The following RBM34 variants were observed in gnomAD, a reference collection of about 807,000 sequenced individuals.
RBM34 encodes RNA binding motif protein 34.
A neutral mutation model predicts 44.6 loss-of-function variants in RBM34; 39 were observed. The ratio of observed to expected loss-of-function variants is 0.87; its 90% CI spans 0.68 to 1.14. The LOEUF (loss-of-function observed/expected upper bound fraction) is 1.14, where lower values mean the gene tolerates loss of function less well. Among genes scored for constraint, RBM34 ranks in the 50% most tolerant of loss-of-function variants. RBM34 has a pLI of 0.00. For missense variants in RBM34, 572 were observed against 517.9 expected, an observed-to-expected ratio of 1.10 and a Z score of -1.01; for synonymous variants, 194 against 184.0, an observed-to-expected ratio of 1.05 and a Z score of -0.44.
Position 235,160,504 on chromosome 1 carries a change from T to C in RBM34, c.365+7A>G. On this transcript the variant is annotated splice_region_variant and intron_variant, in intron 3 of 10. Transcript: ENST00000408888. ...TCTTTAACATCAAATAAGAGAATTT[T>C]ACCAACCTGTCTGCCAACTTTTTTT... 1 of 1,608,586 alleles carries C rather than the reference T, an allele frequency of 6.2e-7. No individual in the cohort carries two copies.
At chr1:235,154,845 T>C (rs1203156737) in intron 4 of RBM34, 36 bp downstream of exon 4, 1 of 1,519,156 alleles carries the variant, frequency 6.6e-7, no homozygotes, top group African/African-American at 1.4e-5. Flanking sequence ...AACAAAGTTA[T>C]TAACTTCTCT....
Position 235,135,696 on chromosome 1 carries a change from T to C in RBM34, c.964A>G (p.Lys322Glu). Residue 322 changes from lysine (K) to glutamate (E), a missense_variant, in exon 10 of 11, where the codon AAA (lysine) becomes GAA (glutamate). Coordinates refer to ENST00000408888, the MANE Select transcript of RBM34 (RefSeq NM_015014.4). ...AACCCTTTGCCGATGCCTGTCATTT[T>C]GTCTCTCACAATCCTCACGGCCATG... The part of the protein sequence containing the change: ...SIMAVRIVRD[K>E]MTGIGKGFGY... The C allele has an allele frequency of 6.2e-7, 1 of 1,614,254 alleles. No homozygotes were observed. Among genetic ancestry groups the C allele is most frequent in the Non-Finnish European group, 8.5e-7 (1 of 1,180,046 alleles).
At chr1:235,156,699 G>A in intron 3 of RBM34, 1 of 440,962 alleles carries the variant, frequency 2.3e-6, no homozygotes, top group South Asian at 1.7e-5. Context: ...ATATTAAGGA[G>A]TGAGGGAAGA....
At chr1:235,134,745 GTT>G (rs775688608) in intron 10 of RBM34, among the ~76,000 whole-genome samples, 3 of 136,798 alleles carry the variant, frequency 2.2e-5, no homozygotes, top group Non-Finnish European at 3.2e-5. Context: ...TCGTTTTCGG[GTT>G]TTTTTTTTTT....
rs774293792 is a variant in RBM34, at chr1:235,161,222, G to T, written c.5C>A (p.Ala2Asp). The change falls in exon 1 of 11, where the codon GCC (alanine) becomes GAC (aspartate). Residue 2 changes from alanine to aspartate, a missense_variant. By Grantham distance (126) the Ala-to-Asp change is moderately radical. Coordinates refer to ENST00000408888, the MANE Select transcript of RBM34 (RefSeq NM_015014.4). ...CTTCCGTTTGCTCATCCCTTCCAAG[G>T]CCATTCTTACTCCAAAGACTCCCAG... The part of the protein sequence containing the change: M[A>D]LEGMSKRKRK... The T allele has an allele frequency of 1.9e-6, 3 of 1,613,070 alleles. No homozygotes were observed. The highest frequency in any genetic ancestry group is 1.1e-5 in the South Asian group (1 of 90,966).
rs766212859 is a variant in RBM34, at chr1:235,135,718, CATG to C, written c.939_941del (p.Ile313del). The C allele has an allele frequency of 6.8e-6, 11 of 1,614,208 alleles. No homozygotes were observed. In the South Asian group the frequency reaches 8.8e-5, roughly 13 times the overall value. Reference sequence around the variant, plus strand: ...TTTTGTCTCTCACAATCCTCACGGCCATGATACTTCCACAGTCCAGAAAGTGCT... The same window carrying C: ...TTTTGTCTCTCACAATCCTCACGGCCATACTTCCACAGTCCAGAAAGTGCT... On this transcript the variant is annotated inframe_deletion, in exon 10 of 11. Coordinates refer to ENST00000408888, the MANE Select transcript of RBM34 (RefSeq NM_015014.4).
chr1:235,148,713 C>A (rs1330814245), intron 5 of RBM34, among the ~76,000 whole-genome samples: 1 of 152,006 alleles, frequency 6.6e-6, no homozygotes, highest in Non-Finnish European at 1.5e-5. Flanking sequence ...ATTCTCCTGC[C>A]TCAGCCTCCT....
At chr1:235,148,344 C>A in intron 6 of RBM34, 60 bp downstream of exon 6, 1 of 1,353,494 alleles carries the variant, frequency 7.4e-7, no homozygotes, top group Non-Finnish European at 1.0e-6. Context: ...AATGGTCTCA[C>A]TTTTTAGCCA....
rs775030226 is a variant in RBM34 at position 235,152,774 on chromosome 1, A to T, written c.598-9T>A. 2.8e-5 allele frequency: 24 copies of T among 847,122 alleles called. No individual in the cohort carries two copies. Among genetic ancestry groups the T allele is most frequent in the Admixed American group, 3.4e-5 (1 of 29,206 alleles). 52.5% of individuals were successfully genotyped at this position (847,122 alleles called of 1,614,324 possible). ...AAAAACGACTTCAGCTTCTAAAATT[A>T]AAAAAAAAAATACACATTAGCTGAC... On this transcript the variant is annotated splice_polypyrimidine_tract_variant and intron_variant, in intron 4 of 10. Transcript: ENST00000408888.
intron 6 of RBM34, among the ~76,000 whole-genome samples, chr1:235,143,933 CTT>C (rs1162556622): frequency 3.9e-5 from 6 of 152,260 alleles, no homozygotes; most frequent in African/African-American, 7.2e-5. Context: ...AATTGCAACA[CTT>C]TGGGAGGCAA....
At chr1:235,149,651 G>T (rs1001005379) in intron 5 of RBM34, among the ~76,000 whole-genome samples, 6 of 152,098 alleles carry the variant, frequency 3.9e-5, no homozygotes, top group African/African-American at 1.2e-4. Flanking sequence ...AGTGGATGGG[G>T]CAGGTAGGGA....
intron 6 of RBM34, among the ~76,000 whole-genome samples, chr1:235,140,359 G>A (rs1661625829): frequency 6.6e-6 from 1 of 152,216 alleles, no homozygotes; most frequent in South Asian, 2.1e-4. Flanking sequence ...GCGTGGGCTT[G>A]GCGGGCCCCG....
At chr1:235,143,354 T>C (rs1384797518) in intron 6 of RBM34, among the ~76,000 whole-genome samples, 1 of 152,228 alleles carries the variant, frequency 6.6e-6, no homozygotes, top group East Asian at 1.9e-4. Flanking sequence ...GACCAGGCAG[T>C]TTCTCAAAAG....
At chr1:235,156,108 T>C (rs1385038397) in intron 3 of RBM34, among the ~76,000 whole-genome samples, 1 of 150,814 alleles carries the variant, frequency 6.6e-6, no homozygotes, top group African/African-American at 2.4e-5. Context: ...GACCTCTTGC[T>C]CCGCCCGCCT....
intron 10 of RBM34, among the ~76,000 whole-genome samples, chr1:235,135,228 AT>A (rs749295070): frequency 0.026 from 2,816 of 106,514 alleles, 239 homozygotes; most frequent in African/African-American, 0.048. Flanking sequence ...AATTTTTTGT[AT>A]TTTTTTTTTT....
Position 235,152,755 on chromosome 1 carries a change from G to A in RBM34, c.608C>T (p.Ser203Leu), listed in dbSNP as rs778495315. 3.2e-6 allele frequency: 5 copies of A among 1,573,828 alleles called. No homozygotes were observed. Among genetic ancestry groups the A allele is most frequent in the Admixed American group, 1.9e-5 (1 of 53,634 alleles). Residue 203 changes from serine to leucine, a missense_variant, in exon 5 of 11, where the codon TCG (serine) becomes TTG (leucine). Ser to Leu is a moderately radical substitution (Grantham distance 145, BLOSUM62 -2). Coordinates refer to ENST00000408888, the MANE Select transcript of RBM34 (RefSeq NM_015014.4). ...TATTTGTCCATACTCTTTAAAAAAC[G>A]ACTTCAGCTTCTAAAATTAAAAAAA... ...PVTCNKKKLK[S>L]FFKEYGQIES...
chr1:235,153,217 T>G (rs947495886), intron 4 of RBM34, among the ~76,000 whole-genome samples: 6 of 151,544 alleles, frequency 4.0e-5, no homozygotes, highest in Non-Finnish European at 8.8e-5. Context: ...GACTATTCAG[T>G]TGGATGAACA....
At chr1:235,150,986 G>A (rs1313114900) in intron 5 of RBM34, among the ~76,000 whole-genome samples, 1 of 152,160 alleles carries the variant, frequency 6.6e-6, no homozygotes, top group Non-Finnish European at 1.5e-5. Flanking sequence ...CAGGGAAAGA[G>A]GTAAGGGTTC....
chr1:235,160,142 T>A (rs1289842233), intron 3 of RBM34: 1 of 379,834 alleles, frequency 2.6e-6, no homozygotes, highest in Non-Finnish European at 5.2e-6. Context: ...TAGTCCCACC[T>A]ACTCAGGGCC....
Sources: gnomAD v4.1 joint callset for allele counts (sites outside exome capture counted in the v4.1 genomes callset) on GRCh38, gnomAD v4.1.1 for gene constraint, MANE v1.5 for transcripts, NCBI Gene and HGNC (gene_info 2026-07-23, HGNC 2026-07-21) for gene names.